The following CRISPLD2 variants were observed in gnomAD, a reference collection of about 807,000 sequenced individuals.
CRISPLD2 encodes cysteine-rich secretory protein LCCL domain-containing 2.
Under a neutral mutation model 71.1 loss-of-function variants are expected in CRISPLD2, and 47 were observed. That is an observed-to-expected ratio of 0.66 (90% CI 0.52 to 0.84). The LOEUF is 0.84. CRISPLD2 is among the 40% of genes least tolerant of loss of function. The pLI is 0.00. For synonymous variants in CRISPLD2, 317 were observed against 250.1 expected (o/e 1.27, Z -2.52); for missense variants, 830 against 651.1 (o/e 1.27, Z -2.99).
At chr16:84,871,461 C>T (rs2071468452) in intron 8 of CRISPLD2, among the ~76,000 whole-genome samples, 1 of 152,094 alleles carries the variant, frequency 6.6e-6, no homozygotes, top group South Asian at 2.1e-4. Context: ...ATCACCTGAG[C>T]CCAGGAAGTT....
chr16:84,850,712 G>T, intron 5 of CRISPLD2, 29 bp downstream of exon 5: 1 of 1,575,612 alleles, frequency 6.3e-7, no homozygotes, highest in Non-Finnish European at 8.7e-7. Context: ...GTTGTATGGG[G>T]TGGGGGTTGG....
chr16:84,886,271 A>T (rs557820140), intron 13 of CRISPLD2, among the ~76,000 whole-genome samples: 1 of 152,284 alleles, frequency 6.6e-6, no homozygotes, highest in African/African-American at 2.4e-5. Context: ...TCCCATTTAA[A>T]GGGCAGCTCA....
chr16:84,828,970 G>C (rs967843343), intron 1 of CRISPLD2: 7 of 152,118 alleles, frequency 4.6e-5, no homozygotes, highest in African/African-American at 1.7e-4. Flanking sequence ...AGCTACTCGG[G>C]AGGCTAAGGC....
chr16:84,852,639 G>T (rs151227277), intron 5 of CRISPLD2, among the ~76,000 whole-genome samples: 117 of 152,298 alleles, frequency 7.7e-4, no homozygotes, highest in African/African-American at 2.3e-3. Flanking sequence ...GGTGAGGAGG[G>T]TGGCTGGGAG....
chr16:84,872,298 A>G (rs920782102), intron 8 of CRISPLD2, 144 bp from the exon 9 acceptor site: 17 of 728,474 alleles, frequency 2.3e-5, no homozygotes, highest in Non-Finnish European at 4.0e-5. Context: ...GTAAAGTCTG[A>G]CTTGTCCAAA....
chr16:84,898,905 T>G (rs1164573503), intron 14 of CRISPLD2, among the ~76,000 whole-genome samples: 2 of 152,132 alleles, frequency 1.3e-5, no homozygotes, highest in Non-Finnish European at 2.9e-5. Flanking sequence ...TCAACTGCAG[T>G]GAGCTGTGAC....
intron 7 of CRISPLD2, among the ~76,000 whole-genome samples, chr16:84,867,997 G>GGGGCTGGAGGGCT (rs1917589465): frequency 6.6e-6 from 1 of 152,164 alleles, no homozygotes; most frequent in Admixed American, 6.5e-5. Flanking sequence ...TTGCTCAGGC[G>GGGGCTGGAGGGCT]GGGCTGGAGG....
At chr16:84,887,561 C>T (rs1306593692) in intron 13 of CRISPLD2, among the ~76,000 whole-genome samples, 2 of 152,202 alleles carry the variant, frequency 1.3e-5, no homozygotes, top group East Asian at 3.8e-4. Flanking sequence ...GTGTCATTCT[C>T]CTGGGGATTC....
chr16:84,823,095 ATGGAACCACACAATG>A (rs1424400393), intron 1 of CRISPLD2, among the ~76,000 whole-genome samples: 1 of 152,202 alleles, frequency 6.6e-6, no homozygotes, highest in Non-Finnish European at 1.5e-5. Flanking sequence ...TTTCATGTAA[ATGGAACCACACAATG>A]TGTGGCCTTT....
rs1203552951 is a variant in CRISPLD2, at chr16:84,838,631, C to T, written c.136C>T (p.Arg46Trp). 8.1e-6 allele frequency: 13 copies of T among 1,614,134 alleles called. No individual in the cohort carries two copies. Among genetic ancestry groups the T allele is most frequent in the Middle Eastern group, 1.6e-4 (1 of 6,084 alleles). ...SKYQHNESHS[R>W]VRRAIPREDK... is the part of the protein sequence containing the mutation. Reference sequence around the variant, plus strand: ...ATACCAGCACAACGAGTCTCACTCCCGGGTCCGCAGAGCCATCCCCAGGGA... The same window carrying T: ...ATACCAGCACAACGAGTCTCACTCCTGGGTCCGCAGAGCCATCCCCAGGGA... Residue 46 changes from arginine (R) to tryptophan (W), a missense_variant, in exon 2 of 15, where the codon CGG becomes TGG. Transcript: ENST00000262424.
At chr16:84,845,092 G>A (rs958965432) in intron 2 of CRISPLD2, among the ~76,000 whole-genome samples, 6 of 152,218 alleles carry the variant, frequency 3.9e-5, no homozygotes, top group Non-Finnish European at 7.3e-5. Context: ...ACATAACTGC[G>A]TACATGGAGA....
intron 14 of CRISPLD2, among the ~76,000 whole-genome samples, chr16:84,903,601 A>T (rs1206076773): frequency 6.9e-5 from 7 of 100,776 alleles, no homozygotes; most frequent in African/African-American, 5.1e-4. Context: ...TAAAATTTAA[A>T]AAAAAAAAAA....
intron 12 of CRISPLD2, among the ~76,000 whole-genome samples, chr16:84,879,504 G>A (rs558386905): frequency 2.0e-5 from 3 of 152,112 alleles, no homozygotes; most frequent in East Asian, 3.9e-4. Flanking sequence ...CTGGGATTAC[G>A]GGCCTGCACC....
chr16:84,890,795 C>CA (rs1321016082), intron 14 of CRISPLD2, among the ~76,000 whole-genome samples: 2 of 151,222 alleles, frequency 1.3e-5, no homozygotes, highest in Non-Finnish European at 3.0e-5. Flanking sequence ...AACTCTGTCT[C>CA]AAAAAAAAGA....
intron 4 of CRISPLD2, 57 bp from the exon 5 acceptor site, chr16:84,850,511 T>C (rs200807269): frequency 1.4e-6 from 2 of 1,455,688 alleles, no homozygotes; most frequent in Non-Finnish European, 1.9e-6. Flanking sequence ...GGCCAAATGA[T>C]ATCACCCTTT....
intron 2 of CRISPLD2, among the ~76,000 whole-genome samples, chr16:84,843,226 TG>T (rs1403589524): frequency 1.3e-5 from 2 of 152,112 alleles, no homozygotes; most frequent in East Asian, 3.9e-4. Flanking sequence ...GCTGAAAGGA[TG>T]GGGTGGCAGG....
chr16:84,852,501 C>T (rs567464930), intron 5 of CRISPLD2, among the ~76,000 whole-genome samples: 2 of 152,318 alleles, frequency 1.3e-5, no homozygotes, highest in South Asian at 2.1e-4. Context: ...GAGGTCTCCC[C>T]GTGGTGTTGC....
chr16:84,846,815 C>G (rs923670839), intron 3 of CRISPLD2, among the ~76,000 whole-genome samples: 3 of 152,156 alleles, frequency 2.0e-5, no homozygotes, highest in Non-Finnish European at 4.4e-5. Context: ...TGTCTGGGAG[C>G]GATTTGTCCC....
intron 14 of CRISPLD2, among the ~76,000 whole-genome samples, chr16:84,897,805 C>T (rs1051010479): frequency 2.6e-5 from 4 of 152,122 alleles, no homozygotes; most frequent in African/African-American, 9.7e-5. Context: ...TTAGTAGAGA[C>T]GGGGTTTCGC....
Sources: allele counts gnomAD v4.1 joint callset (sites outside exome capture counted in the v4.1 genomes callset), GRCh38; gene constraint gnomAD v4.1.1; transcripts MANE v1.5; gene names NCBI Gene and HGNC (gene_info 2026-07-23, HGNC 2026-07-21).